LGR6: variants seen among roughly 807,000 people sequenced by gnomAD.
The protein encoded by LGR6 is leucine rich repeat containing G protein-coupled receptor 6.
In LGR6, 45 loss-of-function variants were observed where a neutral mutation model predicts 69.4. The observed-to-expected ratio is 0.65, with a 90% CI of 0.51 to 0.83. LGR6 has a LOEUF of 0.83. LGR6 is among the 40% of genes least tolerant of loss of function. LGR6 has a pLI of 0.00. For synonymous variants in LGR6, 538 were observed against 555.0 expected, an observed-to-expected ratio of 0.97 and a Z score of 0.43; for missense variants, 1,108 against 1,246.7, an observed-to-expected ratio of 0.89 and a Z score of 1.68.
intron 1 of LGR6, among the ~76,000 whole-genome samples, chr1:202,206,623 C>T (rs979804868): frequency 7.2e-5 from 11 of 152,136 alleles, no homozygotes; most frequent in African/African-American, 2.2e-4. Context: ...GATCTCCGCT[C>T]ACTGCAGCCT....
chr1:202,218,053 A>G (rs1659903899), intron 1 of LGR6, among the ~76,000 whole-genome samples: 1 of 152,162 alleles, frequency 6.6e-6, no homozygotes, highest in Non-Finnish European at 1.5e-5. Flanking sequence ...CTCTGGTAAG[A>G]AGGTGCCATC....
intron 1 of LGR6, among the ~76,000 whole-genome samples, chr1:202,210,168 G>C (rs1354876783): frequency 6.6e-6 from 1 of 152,088 alleles, no homozygotes; most frequent in African/African-American, 2.4e-5. Flanking sequence ...TCTGGGGGAG[G>C]CCTCCCCTCT....
In LGR6 at chr1:202,198,443, G is replaced by A. The variant is rs139842342; in HGVS notation, c.212+4242G>A. 3.1e-3 allele frequency among the ~76,000 whole-genome samples: 469 copies of A among 152,300 alleles called. 3 individuals are homozygous for A. Among genetic ancestry groups the A allele is most frequent in the African/African-American group, 0.011 (445 of 41,556 alleles). ...AATGTCTGGTCCATGGGAAGAGCTC[G>A]ATAAATGTTAGCCAGTGTTGTTATT... On this transcript the variant is annotated intron_variant, in intron 1 of 17. Transcript: ENST00000367278.
intron 5 of LGR6, among the ~76,000 whole-genome samples, chr1:202,278,804 T>C (rs767056233): frequency 6.6e-6 from 1 of 152,304 alleles, no homozygotes; most frequent in Middle Eastern, 3.4e-3. Flanking sequence ...GGGGCTTCTC[T>C]TCAACCCCAA....
intron 4 of LGR6, among the ~76,000 whole-genome samples, chr1:202,257,916 TAAC>T (rs762279378): frequency 6.6e-5 from 10 of 152,154 alleles, no homozygotes; most frequent in Non-Finnish European, 1.2e-4. Context: ...ATTGCCATCT[TAAC>T]AATATTGTCT....
At chr1:202,235,798 C>G (rs1661494026) in intron 3 of LGR6, 124 bp from the exon 4 acceptor site, 1 of 753,046 alleles carries the variant, frequency 1.3e-6, no homozygotes, top group Admixed American at 2.2e-5. Flanking sequence ...CTCTCTGGGG[C>G]TCTGAGGCTG....
At chr1:202,247,176 G>A (rs766822745) in intron 4 of LGR6, among the ~76,000 whole-genome samples, 8 of 152,228 alleles carry the variant, frequency 5.3e-5, no homozygotes, top group Non-Finnish European at 8.8e-5. Flanking sequence ...TGATTCTGAT[G>A]CACAGCTAGG....
At chr1:202,223,183 C>T (rs375387792) in intron 1 of LGR6, among the ~76,000 whole-genome samples, 24 of 152,324 alleles carry the variant, frequency 1.6e-4, no homozygotes, top group African/African-American at 5.5e-4. Flanking sequence ...CCTACAGCTT[C>T]TGCGGATCCC....
At chr1:202,259,646 G>A (rs1265307332) in intron 4 of LGR6, among the ~76,000 whole-genome samples, 3 of 152,070 alleles carry the variant, frequency 2.0e-5, no homozygotes, top group South Asian at 4.1e-4. Context: ...CTTAATTGAT[G>A]TTTCCATTGT....
intron 1 of LGR6, among the ~76,000 whole-genome samples, chr1:202,206,105 G>A (rs1427196509): frequency 6.6e-6 from 1 of 152,260 alleles, no homozygotes; most frequent in Non-Finnish European, 1.5e-5. Context: ...GGCAACCCAG[G>A]GTTGGGAGTG....
At chr1:202,250,373 TTTTAA>T (rs1157919022) in intron 4 of LGR6, among the ~76,000 whole-genome samples, 1 of 151,310 alleles carries the variant, frequency 6.6e-6, no homozygotes. Context: ...CTTTTTTATT[TTTTAA>T]TTTATTTTTT....
intron 16 of LGR6, among the ~76,000 whole-genome samples, chr1:202,313,901 A>T (rs921116837): frequency 6.6e-6 from 1 of 152,200 alleles, no homozygotes; most frequent in African/African-American, 2.4e-5. Flanking sequence ...GATGGCACTC[A>T]TTGTAGCATG....
At chr1:202,279,081 G>A (rs1418224037) in intron 5 of LGR6, among the ~76,000 whole-genome samples, 2 of 152,196 alleles carry the variant, frequency 1.3e-5, no homozygotes, top group African/African-American at 4.8e-5. Context: ...GCCTGGACCT[G>A]AGATACTGGG....
At chr1:202,201,608 G>T (rs1658841248) in intron 1 of LGR6, among the ~76,000 whole-genome samples, 1 of 152,152 alleles carries the variant, frequency 6.6e-6, no homozygotes, top group Non-Finnish European at 1.5e-5. Context: ...CCTCTCAGAG[G>T]CCCACAGCTG....
chr1:202,209,534 G>T (rs1659382762), intron 1 of LGR6, among the ~76,000 whole-genome samples: 1 of 152,232 alleles, frequency 6.6e-6, no homozygotes, highest in Non-Finnish European at 1.5e-5. Context: ...TTTGTCCTCT[G>T]GTTGGCCCCT....
chr1:202,235,574 T>C (rs1245565775), intron 3 of LGR6, among the ~76,000 whole-genome samples: 1 of 152,132 alleles, frequency 6.6e-6, no homozygotes, highest in African/African-American at 2.4e-5. Context: ...CCCACATCCT[T>C]CCTGACCAAA....
chr1:202,214,059 G>A, intron 1 of LGR6: 39 of 1,346,146 alleles, frequency 2.9e-5, no homozygotes, highest in Non-Finnish European at 3.6e-5. Flanking sequence ...CCAGAGGGAA[G>A]GGCATACGAG....
chr1:202,225,347 G>A (rs777801497), intron 1 of LGR6, 76 bp from the exon 2 acceptor site: 1 of 1,361,228 alleles, frequency 7.3e-7, no homozygotes, highest in Non-Finnish European at 1.1e-6. Flanking sequence ...TCCCTCGAGG[G>A]GGGTTGGCAC....
intron 16 of LGR6, among the ~76,000 whole-genome samples, chr1:202,312,409 A>G (rs1266995191): frequency 6.6e-6 from 1 of 152,222 alleles, no homozygotes; most frequent in Non-Finnish European, 1.5e-5. Flanking sequence ...AGGAAATGCC[A>G]GGACTCTGTG....
Sources: gnomAD v4.1 joint callset for allele counts (sites outside exome capture counted in the v4.1 genomes callset) on GRCh38, gnomAD v4.1.1 for gene constraint, MANE v1.5 for transcripts, NCBI Gene and HGNC (gene_info 2026-07-23, HGNC 2026-07-21) for gene names.